MRPL48: variants seen among roughly 807,000 people sequenced by gnomAD.
MRPL48 encodes mitochondrial ribosomal protein L48, also known as large ribosomal subunit protein mL48.
Under a neutral mutation model 32.9 loss-of-function variants are expected in MRPL48, and 16 were observed. The ratio of observed to expected loss-of-function variants is 0.49; its 90% CI spans 0.33 to 0.74. MRPL48 has a LOEUF of 0.74. Ranked by LOEUF, MRPL48 falls within the 30% of genes least tolerant of loss-of-function variation. MRPL48 has a pLI of 0.02. For synonymous variants in MRPL48, 94 were observed against 89.2 expected, an observed-to-expected ratio of 1.05 and a Z score of -0.31; for missense variants, 206 against 245.3, an observed-to-expected ratio of 0.84 and a Z score of 1.07.
At chr11:73,838,079 C>G (rs1277947731) in intron 4 of MRPL48, among the ~76,000 whole-genome samples, 1 of 152,128 alleles carries the variant, frequency 6.6e-6, no homozygotes, top group Non-Finnish European at 1.5e-5. Context: ...GTCTTGAACT[C>G]CTGACCTCAT....
chr11:73,854,010 G>T (rs966331026), intron 5 of MRPL48, among the ~76,000 whole-genome samples: 1 of 152,094 alleles, frequency 6.6e-6, no homozygotes, highest in African/African-American at 2.4e-5. Flanking sequence ...CTTAAAGGTT[G>T]ATGGCAAAGA....
chr11:73,806,254 A>G (rs1471225380), intron 2 of MRPL48, among the ~76,000 whole-genome samples: 1 of 152,154 alleles, frequency 6.6e-6, no homozygotes, highest in East Asian at 1.9e-4. Context: ...ACCATGGCCT[A>G]TAGGACCTTC....
rs563135397 is a variant in MRPL48, at chr11:73,808,650, G to A, written c.112+300G>A. Among the ~76,000 whole-genome samples the A allele has an allele frequency of 2.6e-5, 4 of 152,250 alleles. No homozygotes were observed. In the East Asian group the frequency reaches 5.8e-4, roughly 22 times the overall value. On this transcript the variant is annotated intron_variant, in intron 3 of 7. Coordinates refer to ENST00000310614, the MANE Select transcript of MRPL48 (RefSeq NM_016055.6). ...ATGAGCAGGCTGTGAGGCCGGGTGCGGTGGCTCACGCCTGTAATCCCAGCA... is the reference window on the plus strand; with the variant it reads ...ATGAGCAGGCTGTGAGGCCGGGTGCAGTGGCTCACGCCTGTAATCCCAGCA...
rs778288489 is a variant in MRPL48, at chr11:73,859,982, G to A, written c.447G>A (p.Val149=). 4 of 1,613,794 alleles carry A rather than the reference G, an allele frequency of 2.5e-6. No individual in the cohort carries two copies. The South Asian group carries it at 3.3e-5, about 13-fold the overall frequency. ...DQGSKMLLDS[V]LTTHERVVQI... is the part of the protein sequence containing the mutation. ...GCAGCAAAATGCTCCTGGACTCAGTGCTTACCACCCATGAGCGAGTGGTTC... is the reference window on the plus strand; with the variant it reads ...GCAGCAAAATGCTCCTGGACTCAGTACTTACCACCCATGAGCGAGTGGTTC... The change falls in exon 6 of 8, where the codon GTG becomes GTA. Residue 149 remains valine, a synonymous_variant. Transcript: ENST00000310614.
chr11:73,794,423 C>T (rs920293705), intron 1 of MRPL48, among the ~76,000 whole-genome samples: 1 of 151,192 alleles, frequency 6.6e-6, no homozygotes, highest in African/African-American at 2.4e-5. Context: ...GGCGTGGTGG[C>T]GCATGTGTGT....
At chr11:73,816,698 A>G (rs945807955) in intron 3 of MRPL48, among the ~76,000 whole-genome samples, 1 of 150,900 alleles carries the variant, frequency 6.6e-6, no homozygotes, top group Non-Finnish European at 1.5e-5. Flanking sequence ...TCCCGACCTT[A>G]GGTGATCCGC....
intron 1 of MRPL48, among the ~76,000 whole-genome samples, chr11:73,802,933 G>A (rs966425314): frequency 6.6e-6 from 1 of 152,026 alleles, no homozygotes; most frequent in Non-Finnish European, 1.5e-5. Context: ...CTAGGCTCAA[G>A]TGATCTTCCT....
intron 4 of MRPL48, among the ~76,000 whole-genome samples, chr11:73,825,997 A>T (rs1947882644): frequency 6.6e-6 from 1 of 152,150 alleles, no homozygotes; most frequent in African/African-American, 2.4e-5. Flanking sequence ...CCAGGTTATA[A>T]TAGTAAAAAG....
intron 3 of MRPL48, among the ~76,000 whole-genome samples, chr11:73,824,578 C>T (rs1015370665): frequency 6.6e-6 from 1 of 150,922 alleles, no homozygotes; most frequent in Admixed American, 6.6e-5. Flanking sequence ...GAATGAGACT[C>T]TATCTCAAAA....
At chr11:73,829,694 T>C (rs1172587841) in intron 4 of MRPL48, among the ~76,000 whole-genome samples, 1 of 152,258 alleles carries the variant, frequency 6.6e-6, no homozygotes, top group Non-Finnish European at 1.5e-5. Context: ...TACCATGAGC[T>C]GCCAGAGTTC....
chr11:73,852,630 C>T (rs1201380325), intron 5 of MRPL48, among the ~76,000 whole-genome samples: 3 of 152,144 alleles, frequency 2.0e-5, no homozygotes, highest in East Asian at 1.9e-4. Flanking sequence ...AAAAAGGAAC[C>T]TTTATACACT....
At chr11:73,850,927 T>A (rs1449194565) in intron 5 of MRPL48, 1 of 259,324 alleles carries the variant, frequency 3.9e-6, no homozygotes, top group East Asian at 1.1e-4. Context: ...CCGCCCTCCT[T>A]GGCCTCCCAA....
At chr11:73,813,505 G>A (rs1163548318) in intron 3 of MRPL48, among the ~76,000 whole-genome samples, 1 of 151,792 alleles carries the variant, frequency 6.6e-6, no homozygotes, top group Non-Finnish European at 1.5e-5. Context: ...TTTTCTATTG[G>A]ATTGTTTACT....
chr11:73,837,048 T>G (rs1056793053), intron 4 of MRPL48, among the ~76,000 whole-genome samples: 15 of 151,796 alleles, frequency 9.9e-5, no homozygotes, highest in African/African-American at 3.6e-4. Flanking sequence ...CATTATGGAC[T>G]GTTGATAGTA....
intron 6 of MRPL48, among the ~76,000 whole-genome samples, chr11:73,860,996 A>G (rs934466418): frequency 6.6e-6 from 1 of 152,096 alleles, no homozygotes; most frequent in African/African-American, 2.4e-5. Flanking sequence ...ATTTAGCGTA[A>G]TGTTTTCAAG....
At chr11:73,837,345 C>T (rs1385895457) in intron 4 of MRPL48, among the ~76,000 whole-genome samples, 2 of 152,148 alleles carry the variant, frequency 1.3e-5, no homozygotes, top group African/African-American at 2.4e-5. Context: ...TTAAACCTTA[C>T]ACAAGCCATT....
chr11:73,827,742 A>G (rs1402107744), intron 4 of MRPL48, among the ~76,000 whole-genome samples: 4 of 152,124 alleles, frequency 2.6e-5, no homozygotes, highest in African/African-American at 9.7e-5. Flanking sequence ...CTTAGAAACC[A>G]CTAACCTTGC....
intron 4 of MRPL48, among the ~76,000 whole-genome samples, chr11:73,836,322 A>G (rs1010453327): frequency 4.6e-5 from 7 of 151,920 alleles, no homozygotes; most frequent in African/African-American, 7.3e-5. Context: ...CAGCTTCCCA[A>G]GTAGATGGGA....
intron 5 of MRPL48, among the ~76,000 whole-genome samples, chr11:73,853,729 T>C (rs1197323851): frequency 2.3e-5 from 3 of 128,030 alleles, no homozygotes; most frequent in African/African-American, 9.9e-5. Context: ...CTCGCTCTGT[T>C]GCCCAGGCTA....
Sources: allele counts gnomAD v4.1 joint callset (sites outside exome capture counted in the v4.1 genomes callset), GRCh38; gene constraint gnomAD v4.1.1; transcripts MANE v1.5; gene names NCBI Gene and HGNC (gene_info 2026-07-23, HGNC 2026-07-21).